Variants in DPP10 observed in about 807,000 individuals in gnomAD.
DPP10 encodes the protein dipeptidyl peptidase like 10, also known as inactive dipeptidyl peptidase 10.
DPP10 carries 33 observed loss-of-function variants against 120.9 expected under a neutral mutation model. The ratio of observed to expected loss-of-function variants is 0.27; its 90% CI spans 0.21 to 0.37. DPP10 has a LOEUF of 0.37. Ranked by LOEUF, DPP10 falls within the 10% of genes least tolerant of loss-of-function variation. The pLI is 1.00. For synonymous variants in DPP10, 337 were observed against 326.1 expected, an observed-to-expected ratio of 1.03 and a Z score of -0.36; for missense variants, 816 against 942.8, an observed-to-expected ratio of 0.87 and a Z score of 1.76.
At chr2:114,497,118 CACACGTGTATACATGTAGGTAT>C (rs1472351968) in intron 1 of DPP10, among the ~76,000 whole-genome samples, 124 of 146,698 alleles carry the variant, frequency 8.5e-4, no homozygotes, top group Middle Eastern at 3.6e-3. Flanking sequence ...CGTATACATG[CACACGTGTATACATGTAGGTAT>C]ACACGTGTAT....
chr2:115,627,385 G>A (rs2085450290), intron 5 of DPP10, among the ~76,000 whole-genome samples: 1 of 152,068 alleles, frequency 6.6e-6, no homozygotes, highest in Admixed American at 6.6e-5. Context: ...ATGCCACAGA[G>A]GCCCACACAG....
intron 5 of DPP10, among the ~76,000 whole-genome samples, chr2:115,661,451 C>G (rs1372298780): frequency 6.6e-6 from 1 of 152,168 alleles, no homozygotes; most frequent in African/African-American, 2.4e-5. Flanking sequence ...TGCAGTGCTT[C>G]TAAGTTTTGT....
At position 115,598,553 on chromosome 2, in the gene DPP10, A is replaced by G. The variant is rs370130819; in HGVS notation, c.441+72581A>G. 4.6e-5 allele frequency among the ~76,000 whole-genome samples: 7 copies of G among 152,144 alleles called. No homozygotes were observed. The East Asian group carries it at 1.3e-3, about 29-fold the overall frequency. On this transcript the variant is annotated intron_variant, in intron 5 of 25. Coordinates refer to ENST00000410059, the MANE Select transcript of DPP10 (RefSeq NM_020868.6). ...ATTTTTGTAGCATTTTGTGTAAAAT[A>G]TAGAAAACTTGCAATCATATAACAG...
intron 1 of DPP10, among the ~76,000 whole-genome samples, chr2:114,935,856 A>G (rs1203889586): frequency 1.4e-5 from 2 of 144,784 alleles, no homozygotes; most frequent in Non-Finnish European, 3.1e-5. Context: ...AAACTAAAAA[A>G]CTGAAGGTTT....
intron 1 of DPP10, among the ~76,000 whole-genome samples, chr2:114,796,200 C>CTTTG (rs1683696259): frequency 2.6e-5 from 4 of 152,058 alleles, no homozygotes; most frequent in Admixed American, 1.3e-4. Flanking sequence ...ACCATGAGAC[C>CTTTG]CATGCAAAGT....
At chr2:114,698,307 A>C (rs992852758) in intron 1 of DPP10, among the ~76,000 whole-genome samples, 9 of 152,062 alleles carry the variant, frequency 5.9e-5, no homozygotes, top group Non-Finnish European at 1.2e-4. Flanking sequence ...GCCTGGAGCT[A>C]GGAGAATTAG....
intron 1 of DPP10, among the ~76,000 whole-genome samples, chr2:115,013,393 G>A (rs1364081999): frequency 6.6e-6 from 1 of 152,060 alleles, no homozygotes; most frequent in Non-Finnish European, 1.5e-5. Flanking sequence ...CCATTTGTGG[G>A]TAACCCAGCC....
chr2:115,014,862 CAAAAAAA>C (rs144688918), intron 1 of DPP10, among the ~76,000 whole-genome samples: 1 of 118,628 alleles, frequency 8.4e-6, no homozygotes, highest in Non-Finnish European at 1.7e-5. Flanking sequence ...GCCTACCAAC[CAAAAAAA>C]AAAAAAAAAA....
At chr2:115,124,926 G>A (rs1232391874) in intron 1 of DPP10, among the ~76,000 whole-genome samples, 1 of 152,180 alleles carries the variant, frequency 6.6e-6, no homozygotes, top group East Asian at 1.9e-4. Flanking sequence ...GATCTACTTA[G>A]CAAGAGGACA....
intron 1 of DPP10, among the ~76,000 whole-genome samples, chr2:114,874,436 G>T (rs1185105153): frequency 6.6e-6 from 1 of 151,958 alleles, no homozygotes; most frequent in Non-Finnish European, 1.5e-5. Flanking sequence ...AGGGTTTTCT[G>T]CAGTGACAGC....
At chr2:114,816,320 C>T (rs1685637426) in intron 1 of DPP10, among the ~76,000 whole-genome samples, 1 of 152,204 alleles carries the variant, frequency 6.6e-6, no homozygotes, top group Non-Finnish European at 1.5e-5. Context: ...ACTCTGCCAT[C>T]AGAGAAGAAA....
chr2:115,652,317 A>G (rs2087859141), intron 5 of DPP10, among the ~76,000 whole-genome samples: 1 of 151,920 alleles, frequency 6.6e-6, no homozygotes, highest in Non-Finnish European at 1.5e-5. Flanking sequence ...TGTCTTGTGT[A>G]CAGTAGGCAG....
intron 3 of DPP10, among the ~76,000 whole-genome samples, chr2:115,350,034 T>C (rs1484032060): frequency 6.6e-6 from 1 of 152,124 alleles, no homozygotes; most frequent in East Asian, 1.9e-4. Context: ...ATGAGGCTCT[T>C]GAAGATAACA....
At chr2:115,190,048 C>A (rs898974673) in intron 1 of DPP10, among the ~76,000 whole-genome samples, 3 of 152,164 alleles carry the variant, frequency 2.0e-5, no homozygotes, top group African/African-American at 7.2e-5. Context: ...CCGCTTTCTG[C>A]TAATATCATG....
intron 1 of DPP10, among the ~76,000 whole-genome samples, chr2:114,758,056 T>C (rs777409728): frequency 2.6e-5 from 4 of 152,124 alleles, no homozygotes; most frequent in Non-Finnish European, 5.9e-5. Context: ...GACTCCAGAG[T>C]TCCCGTGGTT....
At chr2:115,032,772 C>G (rs1426169942) in intron 1 of DPP10, among the ~76,000 whole-genome samples, 1 of 151,448 alleles carries the variant, frequency 6.6e-6, no homozygotes. Context: ...GTAATCCCAG[C>G]TACTCGGGAG....
intron 19 of DPP10, among the ~76,000 whole-genome samples, chr2:115,803,855 C>T (rs1685573615): frequency 6.6e-6 from 1 of 152,106 alleles, no homozygotes. Context: ...TCTCTGGCTG[C>T]CCTTAACATT....
At chr2:115,172,787 A>G (rs1299499528) in intron 1 of DPP10, among the ~76,000 whole-genome samples, 3 of 150,660 alleles carry the variant, frequency 2.0e-5, no homozygotes, top group African/African-American at 7.3e-5. Flanking sequence ...CCGGACATAG[A>G]CAGAGCGATG....
intron 1 of DPP10, among the ~76,000 whole-genome samples, chr2:114,584,510 G>A (rs1216931496): frequency 6.7e-6 from 1 of 149,622 alleles, no homozygotes; most frequent in Non-Finnish European, 1.5e-5. Flanking sequence ...TCGTCATTTA[G>A]CATTAGGTAT....
Sources: allele counts gnomAD v4.1 joint callset (sites outside exome capture counted in the v4.1 genomes callset), GRCh38; gene constraint gnomAD v4.1.1; transcripts MANE v1.5; gene names NCBI Gene and HGNC (gene_info 2026-07-23, HGNC 2026-07-21).